Variants in PLEKHA7 observed in about 807,000 individuals in gnomAD.
PLEKHA7 encodes pleckstrin homology domain containing A7.
Under a neutral mutation model 170.0 loss-of-function variants are expected in PLEKHA7, and 104 were observed. The observed-to-expected ratio is 0.61, with a 90% CI of 0.52 to 0.72. The LOEUF is 0.72. Among genes scored for constraint, PLEKHA7 ranks in the 30% least tolerant of loss-of-function variants. The pLI, the probability that PLEKHA7 is intolerant of heterozygous loss-of-function variation, is 0.00. For missense variants in PLEKHA7, 1,615 were observed against 1,671.7 expected, an observed-to-expected ratio of 0.97 and a Z score of 0.59; for synonymous variants, 648 against 660.8, an observed-to-expected ratio of 0.98 and a Z score of 0.30.
chr11:16,882,618 G>C (rs975844592), intron 3 of PLEKHA7, among the ~76,000 whole-genome samples: 4 of 152,180 alleles, frequency 2.6e-5, no homozygotes, highest in African/African-American at 9.7e-5. Flanking sequence ...CTAGCCTACA[G>C]ACACAGCCTA....
chr11:16,927,908 T>A (rs1376631419), intron 3 of PLEKHA7, among the ~76,000 whole-genome samples: 1 of 152,174 alleles, frequency 6.6e-6, no homozygotes, highest in Non-Finnish European at 1.5e-5. Flanking sequence ...TACATACAAC[T>A]TTTAAAATGA....
intron 3 of PLEKHA7, among the ~76,000 whole-genome samples, chr11:16,970,324 T>A (rs1029811072): frequency 4.6e-5 from 7 of 151,958 alleles, no homozygotes; most frequent in Admixed American, 4.6e-4. Context: ...GGGATAATAA[T>A]CCTCCCCTAC....
chr11:16,822,708 C>T (rs1353749085), intron 10 of PLEKHA7, among the ~76,000 whole-genome samples: 1 of 152,084 alleles, frequency 6.6e-6, no homozygotes, highest in African/African-American at 2.4e-5. Flanking sequence ...CCTCAGTGTT[C>T]TGTTGTTGGC....
chr11:16,830,330 T>G (rs1448370231), intron 9 of PLEKHA7, among the ~76,000 whole-genome samples: 1 of 152,134 alleles, frequency 6.6e-6, no homozygotes. Context: ...CCATAGAGGA[T>G]GTGCTGAGGC....
intron 3 of PLEKHA7, among the ~76,000 whole-genome samples, chr11:16,944,046 C>T (rs1860860569): frequency 6.6e-6 from 1 of 152,092 alleles, no homozygotes; most frequent in Non-Finnish European, 1.5e-5. Flanking sequence ...ATGACTGTAC[C>T]AAACCACCTT....
intron 3 of PLEKHA7, among the ~76,000 whole-genome samples, chr11:16,908,867 C>T (rs1161759945): frequency 6.6e-6 from 1 of 152,190 alleles, no homozygotes; most frequent in African/African-American, 2.4e-5. Context: ...AGCAGACTAA[C>T]ACAGGGACAT....
At chr11:16,780,977 T>C (rs933144654) in intron 26 of PLEKHA7, 7 of 985,736 alleles carry the variant, frequency 7.1e-6, no homozygotes, top group Non-Finnish European at 7.2e-6. Flanking sequence ...GTGGAGTCCG[T>C]TGGTAAAAGG....
chr11:16,847,090 C>CTTTTTTTTTTTTTTTTTTTTTTTTTTTT (rs59132787), intron 8 of PLEKHA7, among the ~76,000 whole-genome samples: 1 of 70,814 alleles, frequency 1.4e-5, no homozygotes, highest in Non-Finnish European at 2.6e-5. Flanking sequence ...TTTTTTTTTT[C>CTTTTTTTTTTTTTTTTTTTTTTTTTTTT]TTTTTTTTTT....
chr11:16,887,442 G>C (rs1033249162), intron 3 of PLEKHA7, among the ~76,000 whole-genome samples: 3 of 151,474 alleles, frequency 2.0e-5, no homozygotes, highest in African/African-American at 4.9e-5. Flanking sequence ...CTCCGATGCC[G>C]AGTCGAAGCT....
At chr11:16,849,761 A>G (rs1464912398) in intron 8 of PLEKHA7, among the ~76,000 whole-genome samples, 1 of 152,198 alleles carries the variant, frequency 6.6e-6, no homozygotes, top group East Asian at 1.9e-4. Context: ...CACATGTATC[A>G]AAGTACTTCC....
chr11:16,796,301 A>C (rs1848226453), intron 17 of PLEKHA7, among the ~76,000 whole-genome samples: 1 of 152,234 alleles, frequency 6.6e-6, no homozygotes, highest in Admixed American at 6.5e-5. Flanking sequence ...TTAGTTAAAA[A>C]TACAGTAGTG....
chr11:16,892,641 T>TTTTTC lies in PLEKHA7; in HGVS notation c.222-21460_222-21459insGAAAA, dbSNP rs1554965016. On this transcript the variant is annotated intron_variant, in intron 3 of 26. Transcript: ENST00000531066. ...CTTCTTTTTTTTTTTTTTTTTTTTT[T>TTTTTC]CGTATTTTTAGTAGAGACAGGATTT... 5.0e-5 allele frequency among the ~76,000 whole-genome samples: 7 copies of TTTTTC among 141,220 alleles called. 1 individual carries two copies. In the East Asian group the frequency reaches 6.2e-4, roughly 12 times the overall value. 92.6% of individuals were successfully genotyped at this position (141,220 alleles called of 152,430 possible).
chr11:16,885,442 T>C (rs1856014969), intron 3 of PLEKHA7, among the ~76,000 whole-genome samples: 1 of 151,872 alleles, frequency 6.6e-6, no homozygotes, highest in African/African-American at 2.4e-5. Context: ...GCGGATCACT[T>C]GAGGTCAGGA....
chr11:16,921,193 C>T (rs1859062005), intron 3 of PLEKHA7, among the ~76,000 whole-genome samples: 1 of 152,184 alleles, frequency 6.6e-6, no homozygotes, highest in Admixed American at 6.5e-5. Context: ...AGCAAAACAG[C>T]TTACCAGATG....
At chr11:16,957,707 T>TC (rs1861791925) in intron 3 of PLEKHA7, among the ~76,000 whole-genome samples, 1 of 140,098 alleles carries the variant, frequency 7.1e-6, no homozygotes, top group African/African-American at 2.7e-5. Context: ...CTTTTTTTTT[T>TC]TTTTTTTTTT....
intron 4 of PLEKHA7, among the ~76,000 whole-genome samples, chr11:16,869,500 T>C (rs954909626): frequency 2.0e-5 from 3 of 152,256 alleles, no homozygotes; most frequent in Non-Finnish European, 4.4e-5. Context: ...TTAAATGAGA[T>C]ATGCATGTAA....
intron 3 of PLEKHA7, among the ~76,000 whole-genome samples, chr11:16,872,334 G>A (rs1354120049): frequency 2.0e-5 from 3 of 151,930 alleles, no homozygotes; most frequent in South Asian, 2.1e-4. Flanking sequence ...AGATATACCC[G>A]GGTATGTTCC....
Position 17,014,200 on chromosome 11 carries a change from C to T in PLEKHA7, c.88G>A (p.Asp30Asn). The T allele has an allele frequency of 1.3e-6, 2 of 1,587,102 alleles. No homozygotes were observed. The highest frequency in any genetic ancestry group is 1.7e-6 in the Non-Finnish European group (2 of 1,169,314). ...AGCCAGGTCGTGCAGCGGAGCTGGT[C>T]ACTGCGGGCAGAGAGGTGCACCTGT... ...CRDGRVFFIN[D>N]QLRCTTWLHP... Residue 30 changes from aspartate to asparagine, a missense_variant and splice_region_variant, in exon 2 of 27, where the codon GAC (aspartate) becomes AAC (asparagine). By Grantham distance (23) the Asp-to-Asn change is conservative. Coordinates refer to ENST00000531066, the MANE Select transcript of PLEKHA7 (RefSeq NM_001329630.2).
At chr11:16,917,921 C>T (rs545708370) in intron 3 of PLEKHA7, among the ~76,000 whole-genome samples, 2 of 152,192 alleles carry the variant, frequency 1.3e-5, no homozygotes, top group Non-Finnish European at 2.9e-5. Flanking sequence ...GGACCCAAAG[C>T]TTGGATCCCA....
Sources: allele counts gnomAD v4.1 joint callset (sites outside exome capture counted in the v4.1 genomes callset), GRCh38; gene constraint gnomAD v4.1.1; transcripts MANE v1.5; gene names NCBI Gene and HGNC (gene_info 2026-07-23, HGNC 2026-07-21).